ABCB4: variants seen among roughly 807,000 people sequenced by gnomAD.
ABCB4 encodes phosphatidylcholine translocator ABCB4.
Under a neutral mutation model 145.7 loss-of-function variants are expected in ABCB4, and 76 were observed. The observed-to-expected ratio is 0.52, with a 90% CI of 0.43 to 0.63. The LOEUF is 0.63. Ranked by LOEUF, ABCB4 falls within the 30% of genes least tolerant of loss-of-function variation. ABCB4 has a pLI of 0.00. For missense variants in ABCB4, 1,234 were observed against 1,553.1 expected (o/e 0.79, Z 3.45); for synonymous variants, 517 against 566.8 (o/e 0.91, Z 1.25).
downstream of ABCB4, among the ~76,000 whole-genome samples, chr7:87,400,358 A>G (rs1261684177): frequency 1.3e-5 from 2 of 152,248 alleles, no homozygotes; most frequent in East Asian, 3.8e-4. Flanking sequence ...CTGATTCTAT[A>G]CATCCCTTTT....
At chr7:87,371,879 A>G in the ABCB4 span, among the ~76,000 whole-genome samples, 2 of 151,882 alleles carry the variant, frequency 1.3e-5, no homozygotes, top group African/African-American at 2.4e-5. Flanking sequence ...GAGTGCTCCC[A>G]GCTACTTGGA....
the ABCB4 span, chr7:87,375,564 CT>C: frequency 8.5e-7 from 1 of 1,169,962 alleles, no homozygotes; most frequent in South Asian, 1.3e-5. Flanking sequence ...ATGTTATGAC[CT>C]TTTAAAGGCC....
chr7:87,403,458 A>G, intron 26 of ABCB4, 177 bp from the exon 27 acceptor site: 1 of 613,362 alleles, frequency 1.6e-6, no homozygotes, highest in Non-Finnish European at 2.9e-6. Context: ...TCTCAATGGT[A>G]TTCTACAATA....
chr7:87,472,737 C>T (rs1813518162), intron 2 of ABCB4, 62 bp from the exon 3 acceptor site: 1 of 1,159,880 alleles, frequency 8.6e-7, no homozygotes, highest in Non-Finnish European at 1.3e-6. Flanking sequence ...ATCAATTGAA[C>T]ATAAATATGT....
chr7:87,406,885 A>G (rs1444950166), intron 25 of ABCB4, among the ~76,000 whole-genome samples: 3 of 152,076 alleles, frequency 2.0e-5, no homozygotes, highest in Non-Finnish European at 4.4e-5. Context: ...TCCCCCATGC[A>G]CAGCAGTGAA....
In ABCB4 at chr7:87,472,744, A is replaced by T. The variant is rs114561377; in HGVS notation, c.81-69T>A. ...GTTTTACAATCAATTGAACATAAAT[A>T]TGTTTAGTTACAATATTCAACTATT... On this transcript the variant is annotated intron_variant, in intron 2 of 27. Coordinates refer to ENST00000649586, the MANE Select transcript of ABCB4 (RefSeq NM_000443.4). 9.3e-4 allele frequency: 1,017 copies of T among 1,092,890 alleles called. 8 individuals are homozygous for T. The African/African-American group carries it at 0.014, about 15-fold the overall frequency. 67.7% of individuals were successfully genotyped at this position (1,092,890 alleles called of 1,614,324 possible).
chr7:87,425,554 CAA>C (rs1318252451), intron 16 of ABCB4, among the ~76,000 whole-genome samples: 1 of 152,078 alleles, frequency 6.6e-6, no homozygotes, highest in Non-Finnish European at 1.5e-5. Context: ...CAGGCCAACA[CAA>C]GAGTAAAAAT....
At position 87,423,984 on chromosome 7, in the gene ABCB4, A is replaced by C. The variant is rs1250958597; in HGVS notation, c.2133T>G (p.Phe711Leu). 3 of 1,614,128 alleles carry C rather than the reference A, an allele frequency of 1.9e-6. No homozygotes were observed. The highest frequency in any genetic ancestry group is 2.5e-6 in the Non-Finnish European group (3 of 1,179,996). Residue 711 changes from phenylalanine to leucine, a missense_variant, in exon 17 of 28, where the codon TTT becomes TTG. Phe to Leu is a conservative substitution (Grantham distance 22). This residue lies in a region of ABCB4 where 321 missense variants were observed against 332.6 expected (regional missense o/e 0.97). Transcript: ENST00000649586. ...CAATGGCACATACTGTTCCCACGAC[A>C]AAGTAGGGCCATTCTGTTTTATTCA... ...LKLNKTEWPYFVVGTVCAIAN... is the reference protein window; with the variant it reads ...LKLNKTEWPYLVVGTVCAIAN...
At chr7:87,472,979 TA>T (rs893479010) in intron 2 of ABCB4, among the ~76,000 whole-genome samples, 2 of 152,088 alleles carry the variant, frequency 1.3e-5, no homozygotes, top group African/African-American at 2.4e-5. Context: ...TTTCTAAAAT[TA>T]AAAAAAATCA....
At chr7:87,418,474 T>A in intron 20 of ABCB4, 63 bp downstream of exon 20, 3 of 1,417,866 alleles carry the variant, frequency 2.1e-6, no homozygotes, top group Non-Finnish European at 3.0e-6. Flanking sequence ...AGTGTGGGTA[T>A]GCTACATGCT....
In ABCB4 at chr7:87,439,860, G is replaced by GCT. The variant is rs1191680233; in HGVS notation, c.1561-25_1561-24dup. On this transcript the variant is annotated intron_variant, in intron 13 of 27. Transcript: ENST00000649586. ...TTTCTAACACAGAAAACATGGATCA[G>GCT]CTCTTGAAGTAACTTAAATTTAAAA... The GCT allele has an allele frequency of 1.9e-6, 3 of 1,614,132 alleles. No homozygotes were observed. The Admixed American group carries it at 5.0e-5, about 27-fold the overall frequency.
At chr7:87,397,350 C>CAAA (rs11429478), downstream of ABCB4, among the ~76,000 whole-genome samples, 3 of 146,184 alleles carry the variant, frequency 2.1e-5, no homozygotes, top group Non-Finnish European at 1.5e-5. Flanking sequence ...GACTCTTTCT[C>CAAA]AAAAAAAAAA....
the ABCB4 span, chr7:87,375,644 T>C: frequency 6.2e-7 from 1 of 1,612,636 alleles, no homozygotes; most frequent in Non-Finnish European, 8.5e-7. Context: ...AACTGACATA[T>C]ATCCACAAGA....
At chr7:87,464,203 A>G (rs1366540902) in intron 3 of ABCB4, among the ~76,000 whole-genome samples, 1 of 152,216 alleles carries the variant, frequency 6.6e-6, no homozygotes, top group Non-Finnish European at 1.5e-5. Context: ...TTAGAGGCAC[A>G]TGGTGGAAAG....
intron 18 of ABCB4, among the ~76,000 whole-genome samples, chr7:87,421,622 A>T (rs902645557): frequency 6.6e-6 from 1 of 152,242 alleles, no homozygotes; most frequent in African/African-American, 2.4e-5. Context: ...GGTTAAAGAG[A>T]CAAAAGAAAT....
At chr7:87,422,966 T>C (rs1809552704) in intron 17 of ABCB4, among the ~76,000 whole-genome samples, 1 of 152,200 alleles carries the variant, frequency 6.6e-6, no homozygotes, top group Admixed American at 6.5e-5. Context: ...TGCCCCAAAA[T>C]ATATAGTCCA....
At chr7:87,381,178 A>G in the ABCB4 span, among the ~76,000 whole-genome samples, 1 of 152,176 alleles carries the variant, frequency 6.6e-6, no homozygotes, top group African/African-American at 2.4e-5. Flanking sequence ...ATCATGAATG[A>G]TATCTGTGTC....
chr7:87,376,052 C>G, the ABCB4 span: 1 of 1,162,554 alleles, frequency 8.6e-7, no homozygotes, highest in East Asian at 2.5e-5. Flanking sequence ...TACCTTTAGG[C>G]TCTTGAAACT....
intron 5 of ABCB4, 127 bp downstream of exon 5, chr7:87,454,408 A>T: frequency 1.3e-6 from 1 of 754,512 alleles, no homozygotes; most frequent in Non-Finnish European, 2.2e-6. Flanking sequence ...GGGATTTGGG[A>T]GCAAAAATGA....
Sources: gnomAD v4.1 joint callset for allele counts (sites outside exome capture counted in the v4.1 genomes callset) on GRCh38, gnomAD v4.1.1 for gene constraint, gnomAD v4.1.1 regional missense constraint, MANE v1.5 for transcripts, NCBI Gene and HGNC (gene_info 2026-07-23, HGNC 2026-07-21) for gene names.